Variants in ZNF714 observed in about 807,000 individuals in gnomAD.
ZNF714 encodes the protein zinc finger protein 714.
ZNF714 carries 32 observed loss-of-function variants against 46.2 expected under a neutral mutation model. The observed-to-expected ratio is 0.69, with a 90% CI of 0.52 to 0.93. The LOEUF (loss-of-function observed/expected upper bound fraction) is 0.93. ZNF714 is among the 40% of genes least tolerant of loss of function. ZNF714 has a pLI of 0.00. For missense variants in ZNF714, 635 were observed against 646.3 expected (o/e 0.98, Z 0.19); for synonymous variants, 199 against 213.1 (o/e 0.93, Z 0.58).
In ZNF714 at chr19:21,117,860, G is replaced by A. The variant is rs1271986827; in HGVS notation, c.1196G>A (p.Cys399Tyr). 1.9e-6 allele frequency: 3 copies of A among 1,613,010 alleles called. No homozygotes were observed. Among genetic ancestry groups the A allele is most frequent in the Non-Finnish European group, 2.5e-6 (3 of 1,179,954 alleles). The part of the protein sequence containing the change: ...IIHTGEKPYK[C>Y]EECGKAFNQS... ...CATACTGGAGAGAAACCTTACAAATGTGAAGAATGTGGCAAAGCTTTTAAC... is the reference window on the plus strand; with the variant it reads ...CATACTGGAGAGAAACCTTACAAATATGAAGAATGTGGCAAAGCTTTTAAC... The change falls in exon 5 of 5, where the codon TGT becomes TAT. Residue 399 changes from cysteine (C) to tyrosine (Y), a missense_variant. Cys to Tyr is a radical substitution (Grantham distance 194, BLOSUM62 -2). Transcript: ENST00000456283.
intron 4 of ZNF714, among the ~76,000 whole-genome samples, chr19:21,114,657 A>C (rs1202546520): frequency 6.6e-6 from 1 of 152,136 alleles, no homozygotes; most frequent in African/African-American, 2.4e-5. Flanking sequence ...TAAGGCTAAT[A>C]TTGTTATGTT....
At chr19:21,113,531 G>A (rs1036676890) in intron 4 of ZNF714, among the ~76,000 whole-genome samples, 8 of 144,650 alleles carry the variant, frequency 5.5e-5, no homozygotes, top group African/African-American at 1.3e-4. Context: ...TTTTGAGACC[G>A]AGTCTCGCTC....
In ZNF714 at chr19:21,117,561, C is replaced by A; in HGVS notation, c.897C>A (p.Tyr299Ter). Residue 299 changes from tyrosine (Y) to a stop codon, truncating the protein, a stop_gained, in exon 5 of 5, where the codon TAC (tyrosine) becomes TAA (stop). Coordinates refer to ENST00000456283, the MANE Select transcript of ZNF714 (RefSeq NM_182515.4). LOFTEE classifies it high-confidence loss of function. ...ACAAAGCTTTTAACCGATTCTCATA[C>A]CTTACTAAACATAAGATAATTCATT... ...ECDKAFNRFS[Y>*]LTKHKIIHSG... The A allele has an allele frequency of 6.2e-7, 1 of 1,606,106 alleles. No individual in the cohort carries two copies.
At chr19:21,095,558 G>A (rs1015642490) in intron 2 of ZNF714, among the ~76,000 whole-genome samples, 2 of 151,932 alleles carry the variant, frequency 1.3e-5, no homozygotes, top group Non-Finnish European at 2.9e-5. Flanking sequence ...CGTGTCCCGG[G>A]TTCACGCCAT....
intron 4 of ZNF714, among the ~76,000 whole-genome samples, chr19:21,111,040 C>T (rs867925588): frequency 1.3e-5 from 2 of 152,088 alleles, no homozygotes; most frequent in African/African-American, 4.8e-5. Flanking sequence ...CAGCTTTGTT[C>T]TTTTTGCTTA....
chr19:21,087,426 T>G (rs1968809819), intron 2 of ZNF714, among the ~76,000 whole-genome samples: 1 of 152,160 alleles, frequency 6.6e-6, no homozygotes, highest in African/African-American at 2.4e-5. Context: ...GATTTCACAT[T>G]TGACATGTTT....
chr19:21,117,196 T>G lies in ZNF714; in HGVS notation c.532T>G (p.Cys178Gly), dbSNP rs758086461. The change falls in exon 5 of 5, where the codon TGT becomes GGT. Residue 178 changes from cysteine to glycine, a missense_variant. By Grantham distance (159) the Cys-to-Gly change is radical. Transcript: ENST00000456283. ...IRENSYQCEE[C>G]DKVFKRFSTL... is the part of the protein sequence containing the mutation. Reference sequence around the variant, plus strand: ...AGAGAATTCTTACCAATGTGAAGAATGTGACAAAGTGTTTAAGCGGTTCTC... The same window carrying G: ...AGAGAATTCTTACCAATGTGAAGAAGGTGACAAAGTGTTTAAGCGGTTCTC... 53 of 1,613,966 alleles carry G rather than the reference T, an allele frequency of 3.3e-5. 1 individual carries two copies. In the South Asian group the frequency reaches 5.7e-4, roughly 17 times the overall value.
intron 2 of ZNF714, among the ~76,000 whole-genome samples, chr19:21,090,258 A>C (rs1440222585): frequency 6.6e-6 from 1 of 152,230 alleles, no homozygotes; most frequent in African/African-American, 2.4e-5. Context: ...GAAGGCAAAG[A>C]GCTCAGGGGG....
intron 4 of ZNF714, chr19:21,109,579 GT>G (rs148778986): frequency 0.085 from 18,925 of 221,792 alleles, 3,013 homozygotes; most frequent in African/African-American, 0.38. Context: ...TTTCATTGTT[GT>G]TTTTTTTTTA....
intron 2 of ZNF714, among the ~76,000 whole-genome samples, chr19:21,085,676 T>G (rs1253054881): frequency 6.8e-6 from 1 of 146,560 alleles, no homozygotes. Context: ...TTATGGGGGA[T>G]GCTCCCCTGC....
Position 21,109,027 on chromosome 19 carries a change from C to T in ZNF714, c.143-7780C>T, listed in dbSNP as rs528859576. On this transcript the variant is annotated intron_variant, in intron 4 of 4. Coordinates refer to ENST00000456283, the MANE Select transcript of ZNF714 (RefSeq NM_182515.4). ...ATACTGTGTTTGTCCTATGCTAGTA[C>T]TTGACTTAAAATACATCCAATATAA... Among the ~76,000 whole-genome samples the T allele has an allele frequency of 2.0e-4, 31 of 152,256 alleles. 1 individual carries two copies. Among genetic ancestry groups the T allele is most frequent in the African/African-American group, 7.5e-4 (31 of 41,568 alleles).
chr19:21,099,848 T>C (rs946378897), intron 4 of ZNF714, among the ~76,000 whole-genome samples: 3 of 152,200 alleles, frequency 2.0e-5, no homozygotes, highest in Non-Finnish European at 4.4e-5. Flanking sequence ...TTTCAATCCA[T>C]AGACATGAAA....
intron 2 of ZNF714, among the ~76,000 whole-genome samples, chr19:21,084,573 C>T (rs776077528): frequency 3.3e-5 from 5 of 152,106 alleles, no homozygotes; most frequent in Admixed American, 2.6e-4. Flanking sequence ...ACATGAGTCA[C>T]ACACATCTGT....
At chr19:21,115,586 C>A (rs2144878364) in intron 4 of ZNF714, among the ~76,000 whole-genome samples, 1 of 151,662 alleles carries the variant, frequency 6.6e-6, no homozygotes, top group Non-Finnish European at 1.5e-5. Context: ...TCACAGTTTC[C>A]TTCTGGCCTG....
intron 4 of ZNF714, among the ~76,000 whole-genome samples, chr19:21,099,562 T>C (rs1969124974): frequency 6.6e-6 from 1 of 152,176 alleles, no homozygotes; most frequent in African/African-American, 2.4e-5. Flanking sequence ...TCTGTTCCAT[T>C]AGGGGTTTCT....
intron 2 of ZNF714, among the ~76,000 whole-genome samples, chr19:21,088,280 C>T (rs1174619939): frequency 6.6e-6 from 1 of 152,150 alleles, no homozygotes. Context: ...CCTAAACATC[C>T]ATCTTTTTAA....
At position 21,123,535 on chromosome 19, in the gene ZNF714, TTAGTAG is replaced by T. The variant is rs1969743981; in HGVS notation, c.*5204_*5209del. ...GCACCCGTCTAATTTTTTTGTATTT[TTAGTAG>T]AGACGGGATTTCACCATGTTAGCCA... is the stretch of plus-strand genomic sequence containing the variant. On this transcript the variant is annotated 3_prime_UTR_variant, in exon 5 of 5. Coordinates refer to ENST00000456283, the MANE Select transcript of ZNF714 (RefSeq NM_182515.4). Among the ~76,000 whole-genome samples, 1 of 152,014 alleles carries T rather than the reference TTAGTAG, an allele frequency of 6.6e-6. No homozygotes were observed. The highest frequency in any genetic ancestry group is 1.5e-5 in the Non-Finnish European group (1 of 68,002).
Position 21,123,625 on chromosome 19 carries a change from G to A in ZNF714, c.*5293G>A, listed in dbSNP as rs1017930564. ...CCGCCTCGACCTCCCAAAGTGGTGGGATTACAGGCATGAGCCACAGTGCCC... is the reference window on the plus strand; with the variant it reads ...CCGCCTCGACCTCCCAAAGTGGTGGAATTACAGGCATGAGCCACAGTGCCC... On this transcript the variant is annotated 3_prime_UTR_variant, in exon 5 of 5. Coordinates refer to ENST00000456283, the MANE Select transcript of ZNF714 (RefSeq NM_182515.4). Among the ~76,000 whole-genome samples the A allele has an allele frequency of 2.6e-5, 4 of 152,186 alleles. No individual in the cohort carries two copies. The East Asian group carries it at 7.7e-4, about 29-fold the overall frequency.
chr19:21,096,420 T>G (rs1196594490), intron 2 of ZNF714, among the ~76,000 whole-genome samples: 8 of 152,202 alleles, frequency 5.3e-5, no homozygotes, highest in Non-Finnish European at 1.0e-4. Flanking sequence ...TCTTTTCAGC[T>G]AAACATATCT....
Sources: allele counts gnomAD v4.1 joint callset (sites outside exome capture counted in the v4.1 genomes callset), GRCh38; gene constraint gnomAD v4.1.1; transcripts MANE v1.5; gene names NCBI Gene and HGNC (gene_info 2026-07-23, HGNC 2026-07-21).